The following DIDO1 variants were observed in gnomAD, a reference collection of about 807,000 sequenced individuals.
DIDO1 encodes the protein death inducer-obliterator 1.
A neutral mutation model predicts 99.4 loss-of-function variants in DIDO1; 16 were observed. That is an observed-to-expected ratio of 0.16 (90% CI 0.11 to 0.24). DIDO1 has a LOEUF of 0.24. DIDO1 is among the 10% of genes least tolerant of loss of function. The pLI, the probability that DIDO1 is intolerant of heterozygous loss-of-function variation, is 1.00. For missense variants in DIDO1, 2,996 were observed against 3,014.0 expected (o/e 0.99, Z 0.14); for synonymous variants, 1,366 against 1,239.1 (o/e 1.10, Z -2.15).
upstream of DIDO1, chr20:62,928,872 T>G (rs1005999348): frequency 6.6e-6 from 1 of 152,064 alleles, no homozygotes; most frequent in Non-Finnish European, 1.5e-5. Flanking sequence ...ACAGTACACT[T>G]TTGTAATGTG....
chr20:62,879,717 T>A lies in DIDO1; in HGVS notation c.6239A>T (p.Asn2080Ile). ...FREGKGHEYR[N>I]QTFEGRQRER... ...TCTCTGCCTCCCTTCGAAAGTCTGG[T>A]TTCTGTATTCGTGGCCTTTCCCCTC... Residue 2080 changes from asparagine (N) to isoleucine (I), a missense_variant, in exon 16 of 16, where the codon AAC becomes ATC. Physicochemically the swap from Asn to Ile is moderately radical, Grantham distance 149 (BLOSUM62 -3). This residue lies in a region of DIDO1 where 1,562 missense variants were observed against 1,412.6 expected (regional missense o/e 1.11). Coordinates refer to ENST00000395343, the MANE Select transcript of DIDO1 (RefSeq NM_001193369.2). This position sits in a 1 kb window ranked among gnomAD's most constrained non-coding sequence, Gnocchi z 6.3. The A allele has an allele frequency of 1.2e-6, 2 of 1,611,598 alleles. No homozygotes were observed. The highest frequency in any genetic ancestry group is 2.2e-5 in the East Asian group (1 of 44,844).
Position 62,932,077 on chromosome 20 carries a change from T to C in DIDO1, c.-200+5719A>G, listed in dbSNP as rs375736587. Among the ~76,000 whole-genome samples the C allele has an allele frequency of 5.2e-4, 79 of 152,366 alleles. 2 individuals carry two copies. The South Asian group carries it at 0.015, about 29-fold the overall frequency. ...TTCCCTTCAGGGAGGTCTTGCTTTGTTGACCTGGCTGGTCTCAAACTCCTG... is the reference window on the plus strand; with the variant it reads ...TTCCCTTCAGGGAGGTCTTGCTTTGCTGACCTGGCTGGTCTCAAACTCCTG... On this transcript the variant is annotated intron_variant, in intron 1 of 15. Coordinates refer to the DIDO1 transcript ENST00000266070.
intron 15 of DIDO1, among the ~76,000 whole-genome samples, chr20:62,884,827 C>T (rs961906478): frequency 4.6e-5 from 7 of 152,112 alleles, no homozygotes; most frequent in South Asian, 2.1e-4. Flanking sequence ...CTCTGTCCCC[C>T]GGATAGTAGC....
intron 6 of DIDO1, among the ~76,000 whole-genome samples, chr20:62,899,860 C>A (rs112959161): frequency 6.6e-6 from 1 of 152,222 alleles, no homozygotes; most frequent in South Asian, 2.1e-4. Context: ...GGGACCCGAG[C>A]ACACACCCAT....
intron 1 of DIDO1, among the ~76,000 whole-genome samples, chr20:62,917,824 C>T (rs973885794): frequency 6.6e-6 from 1 of 152,190 alleles, no homozygotes; most frequent in Non-Finnish European, 1.5e-5. Context: ...CCTGTGCCAC[C>T]GATGCAAATG....
chr20:62,910,920 T>C lies in DIDO1; in HGVS notation c.693A>G (p.Lys231=). ...NDQGVVSQAG[K]DDRESKLEGK... is the part of the protein sequence containing the mutation. Reference sequence around the variant, plus strand: ...CCTCCAACTTACTCTCTCTGTCATCTTTCCCAGCCTGGGACACAACCCCCT... The same window carrying C: ...CCTCCAACTTACTCTCTCTGTCATCCTTCCCAGCCTGGGACACAACCCCCT... Residue 231 remains lysine (K), a synonymous_variant, in exon 3 of 16, where the codon AAA becomes AAG. Coordinates refer to ENST00000395343, the MANE Select transcript of DIDO1 (RefSeq NM_001193369.2). The C allele has an allele frequency of 6.2e-7, 1 of 1,614,192 alleles. No homozygotes were observed. The highest frequency in any genetic ancestry group is 8.5e-7 in the Non-Finnish European group (1 of 1,180,030).
upstream of DIDO1, among the ~76,000 whole-genome samples, chr20:62,930,367 CAG>C (rs1430337261): frequency 6.6e-6 from 1 of 152,180 alleles, no homozygotes; most frequent in Non-Finnish European, 1.5e-5. Context: ...ACAACCAACA[CAG>C]AGGGAGAGCA....
chr20:62,880,014 T>A lies in DIDO1; in HGVS notation c.5942A>T (p.Gln1981Leu), dbSNP rs1299553713. The change falls in exon 16 of 16, where the codon CAA becomes CTA. Residue 1981 changes from glutamine (Q) to leucine (L), a missense_variant. Physicochemically the swap from Gln to Leu is moderately radical, Grantham distance 113 (BLOSUM62 -2). Transcript: ENST00000395343. ...RVHSPPRFTN[Q>L]RAPAPLQFGG... ...AAACTGCAGGGGTGCAGGCGCCCTT[T>A]GGTTTGTGAATCTTGGTGGTGAATG... 1 of 1,611,852 alleles carries A rather than the reference T, an allele frequency of 6.2e-7. No individual in the cohort carries two copies. Among genetic ancestry groups the A allele is most frequent in the Non-Finnish European group, 8.5e-7 (1 of 1,179,968 alleles).
upstream of DIDO1, among the ~76,000 whole-genome samples, chr20:62,930,329 A>G (rs1010315807): frequency 2.6e-5 from 4 of 152,236 alleles, no homozygotes; most frequent in African/African-American, 9.6e-5. Flanking sequence ...TCACCCACTC[A>G]ATGAATTCCG....
At chr20:62,922,516 C>T (rs958198454) in intron 1 of DIDO1, among the ~76,000 whole-genome samples, 3 of 151,982 alleles carry the variant, frequency 2.0e-5, no homozygotes, top group Non-Finnish European at 4.4e-5. Flanking sequence ...TGGGGGGGTA[C>T]AGTGTACCAG....
At chr20:62,907,528 G>A (rs1376592804) in intron 4 of DIDO1, among the ~76,000 whole-genome samples, 169 bp from the exon 5 acceptor site, 1 of 152,226 alleles carries the variant, frequency 6.6e-6, no homozygotes, top group Non-Finnish European at 1.5e-5. Context: ...CTATGAAAAA[G>A]CCAGGTAAGG....
chr20:62,884,115 G>A (rs1217595635), intron 15 of DIDO1, among the ~76,000 whole-genome samples: 7 of 152,326 alleles, frequency 4.6e-5, no homozygotes, highest in Non-Finnish European at 8.8e-5. Flanking sequence ...CCACGCTCAC[G>A]TAAAGCACCG....
At chr20:62,908,512 A>G (rs1341135960) in intron 4 of DIDO1, among the ~76,000 whole-genome samples, 12 of 152,184 alleles carry the variant, frequency 7.9e-5, no homozygotes, top group Admixed American at 7.9e-4. Flanking sequence ...CAGCTTGACC[A>G]CTGCTGTTTA....
At chr20:62,901,791 A>C (rs1430665051) in intron 6 of DIDO1, among the ~76,000 whole-genome samples, 1 of 151,468 alleles carries the variant, frequency 6.6e-6, no homozygotes, top group African/African-American at 2.4e-5. Flanking sequence ...TAAGAATATA[A>C]CTATGTGTAT....
Position 62,880,653 on chromosome 20 carries a change from C to A in DIDO1, c.5303G>T (p.Gly1768Val), listed in dbSNP as rs1156801834. 1 of 1,612,844 alleles carries A rather than the reference C, an allele frequency of 6.2e-7. No homozygotes were observed. The highest frequency in any genetic ancestry group is 1.3e-5 in the African/African-American group (1 of 75,074). Residue 1768 changes from glycine (G) to valine (V), a missense_variant, in exon 16 of 16, where the codon GGC (glycine) becomes GTC (valine). Transcript: ENST00000395343. ...PHALGMSGLH[G>V]PNFPGPRGPA... ...CCCCCTTGGTCCCGGGAAATTGGGG[C>A]CGTGAAGCCCTGACATCCCCAAAGC...
At chr20:62,909,354 C>A (rs904703674) in intron 4 of DIDO1, among the ~76,000 whole-genome samples, 1 of 152,260 alleles carries the variant, frequency 6.6e-6, no homozygotes, top group African/African-American at 2.4e-5. Context: ...GAGGAGCCAG[C>A]ACCAGAACCA....
intron 5 of DIDO1, among the ~76,000 whole-genome samples, chr20:62,906,737 C>G (rs1360956831): frequency 1.4e-5 from 2 of 145,084 alleles, no homozygotes; most frequent in Non-Finnish European, 3.0e-5. Context: ...CCAAATAACA[C>G]GGAGTACAAA....
chr20:62,914,302 A>G lies in DIDO1; in HGVS notation c.-95T>C, dbSNP rs1229881618. ...ACGAAACCTCTGGGTCCAAGCAGACAGCCAGGCTCACAACAACACTGTTGT... is the reference window on the plus strand; with the variant it reads ...ACGAAACCTCTGGGTCCAAGCAGACGGCCAGGCTCACAACAACACTGTTGT... On this transcript the variant is annotated 5_prime_UTR_variant, in exon 2 of 16. Transcript: ENST00000395343. 2 of 152,124 alleles carry G rather than the reference A, an allele frequency of 1.3e-5. No homozygotes were observed. Among genetic ancestry groups the G allele is most frequent in the Admixed American group, 1.3e-4 (2 of 15,174 alleles). 9.4% of individuals were successfully genotyped at this position (152,124 alleles called of 1,614,324 possible). A position where few individuals can be genotyped will look rare whatever the true frequency, so the allele number is the denominator to read the frequency against.
At chr20:62,907,494 G>A in intron 4 of DIDO1, 135 bp from the exon 5 acceptor site, 3 of 845,062 alleles carry the variant, frequency 3.6e-6, no homozygotes, top group South Asian at 3.4e-5. Flanking sequence ...CTTTTAATAT[G>A]AATAAACATT....
Sources: gnomAD v4.1 joint callset for allele counts (sites outside exome capture counted in the v4.1 genomes callset) on GRCh38, gnomAD v4.1.1 for gene constraint, gnomAD v4.1.1 regional missense constraint, Gnocchi (gnomAD v3.1) non-coding constraint, MANE v1.5 for transcripts, NCBI Gene and HGNC (gene_info 2026-07-23, HGNC 2026-07-21) for gene names.